RALYL: variants seen among roughly 807,000 people sequenced by gnomAD.
The protein encoded by RALYL is RNA-binding Raly-like protein.
RALYL carries 29 observed loss-of-function variants against 35.1 expected under a neutral mutation model. That is an observed-to-expected ratio of 0.83 (90% CI 0.61 to 1.13). RALYL has a LOEUF of 1.13. RALYL is among the 50% of genes most tolerant of loss of function. RALYL has a pLI of 0.00. For missense variants in RALYL, 359 were observed against 360.4 expected (o/e 1.00, Z 0.03); for synonymous variants, 120 against 127.6 (o/e 0.94, Z 0.40).
chr8:84,437,981 G>A (rs2047924203), intron 1 of RALYL, among the ~76,000 whole-genome samples: 1 of 152,060 alleles, frequency 6.6e-6, no homozygotes, highest in African/African-American at 2.4e-5. Context: ...TTTCTTTATA[G>A]CAATGCAAGA....
intron 1 of RALYL, among the ~76,000 whole-genome samples, chr8:84,514,513 A>AC (rs2057903594): frequency 6.6e-6 from 1 of 152,164 alleles, no homozygotes; most frequent in African/African-American, 2.4e-5. Context: ...CCAAGATGGC[A>AC]CCTTGAAAGT....
At chr8:84,839,503 A>T (rs1176087909) in intron 4 of RALYL, among the ~76,000 whole-genome samples, 4 of 152,210 alleles carry the variant, frequency 2.6e-5, no homozygotes, top group Non-Finnish European at 5.9e-5. Context: ...ACCACAGCTC[A>T]AGGAGGCCTG....
At chr8:84,562,014 C>CT (rs1279810123) in intron 2 of RALYL, among the ~76,000 whole-genome samples, 1 of 151,876 alleles carries the variant, frequency 6.6e-6, no homozygotes, top group Non-Finnish European at 1.5e-5. Context: ...GTATATAAGA[C>CT]TTTTTTCCTA....
intron 3 of RALYL, among the ~76,000 whole-genome samples, chr8:84,783,603 G>A (rs920370148): frequency 1.3e-5 from 2 of 152,118 alleles, no homozygotes; most frequent in Non-Finnish European, 2.9e-5. Flanking sequence ...CTCATGAAAG[G>A]AGGTAGTTCT....
At chr8:84,544,279 G>C (rs1477880544) in intron 2 of RALYL, among the ~76,000 whole-genome samples, 1 of 151,738 alleles carries the variant, frequency 6.6e-6, no homozygotes, top group Non-Finnish European at 1.5e-5. Context: ...TATATTCAAA[G>C]AAATTTAGCT....
At chr8:84,523,621 C>A (rs1031523077) in intron 1 of RALYL, among the ~76,000 whole-genome samples, 1 of 150,846 alleles carries the variant, frequency 6.6e-6, no homozygotes, top group Non-Finnish European at 1.5e-5. Flanking sequence ...CCCACTAACT[C>A]ATCATCTAGC....
At chr8:84,625,584 C>A (rs945791018) in intron 2 of RALYL, among the ~76,000 whole-genome samples, 1 of 152,082 alleles carries the variant, frequency 6.6e-6, no homozygotes, top group Non-Finnish European at 1.5e-5. Flanking sequence ...ATTATTTTAA[C>A]CTTCATAGAG....
intron 2 of RALYL, among the ~76,000 whole-genome samples, chr8:84,611,158 G>A (rs996734468): frequency 6.6e-6 from 1 of 152,064 alleles, no homozygotes; most frequent in Non-Finnish European, 1.5e-5. Flanking sequence ...AAAACTAAAA[G>A]TGGTATAATA....
intron 1 of RALYL, among the ~76,000 whole-genome samples, chr8:84,242,964 T>C (rs1013468413): frequency 6.6e-6 from 1 of 152,212 alleles, no homozygotes. Flanking sequence ...AGGGTTTTCA[T>C]AGTCTTGGGT....
intron 1 of RALYL, among the ~76,000 whole-genome samples, chr8:84,377,230 C>G (rs1320525303): frequency 6.6e-6 from 1 of 151,434 alleles, no homozygotes; most frequent in African/African-American, 2.4e-5. Context: ...ATAAAGTACC[C>G]CAAGTGAGTC....
intron 3 of RALYL, among the ~76,000 whole-genome samples, chr8:84,779,336 C>G (rs1386920549): frequency 1.3e-5 from 2 of 152,106 alleles, no homozygotes; most frequent in Non-Finnish European, 2.9e-5. Context: ...TGATGGAAAG[C>G]TAACAAAAAA....
At position 84,296,809 on chromosome 8, in the gene RALYL, A is replaced by G. The variant is rs1032440145; in HGVS notation, c.-24+112385A>G. Among the ~76,000 whole-genome samples, 6 of 151,878 alleles carry G rather than the reference A, an allele frequency of 4.0e-5. No homozygotes were observed. In the East Asian group the frequency reaches 1.2e-3, roughly 29 times the overall value. On this transcript the variant is annotated intron_variant, in intron 1 of 8. Coordinates refer to ENST00000521268, the MANE Select transcript of RALYL (RefSeq NM_173848.7). The stretch of plus-strand genomic sequence containing the variant: ...AAGCATCTGGTGGGGACATGCATAC[A>G]CTACTTCACAAGTAAATGAATATGT...
At chr8:84,229,489 G>T (rs1000122953) in intron 1 of RALYL, among the ~76,000 whole-genome samples, 2 of 152,126 alleles carry the variant, frequency 1.3e-5, no homozygotes, top group Non-Finnish European at 2.9e-5. Flanking sequence ...AGACAACTTG[G>T]AACTATTTAT....
intron 2 of RALYL, among the ~76,000 whole-genome samples, chr8:84,709,645 A>G (rs1440127828): frequency 1.3e-5 from 2 of 151,916 alleles, no homozygotes; most frequent in Admixed American, 1.3e-4. Context: ...CCGAAGGTTG[A>G]GAATCACTGA....
chr8:84,846,300 T>A (rs577114469), intron 4 of RALYL, among the ~76,000 whole-genome samples: 1 of 152,112 alleles, frequency 6.6e-6, no homozygotes, highest in African/African-American at 2.4e-5. Context: ...ATATTTTATG[T>A]TGTGATTTCT....
intron 1 of RALYL, among the ~76,000 whole-genome samples, chr8:84,253,507 C>G (rs1240800375): frequency 6.6e-6 from 1 of 151,492 alleles, no homozygotes; most frequent in Non-Finnish European, 1.5e-5. Flanking sequence ...GCCCTGTAGT[C>G]TCATTTTACT....
chr8:84,522,059 A>G (rs1342787837), intron 1 of RALYL, among the ~76,000 whole-genome samples: 2 of 152,188 alleles, frequency 1.3e-5, no homozygotes, highest in East Asian at 3.9e-4. Flanking sequence ...TGAAGGAAAT[A>G]CTATCATTTG....
At chr8:84,241,452 G>T (rs16912588) in intron 1 of RALYL, among the ~76,000 whole-genome samples, 4,403 of 152,204 alleles carry the variant, frequency 0.029, 90 homozygotes, top group East Asian at 0.12. Context: ...AGGCTTTCCA[G>T]CTGCTGAGTG....
intron 1 of RALYL, among the ~76,000 whole-genome samples, chr8:84,262,118 G>T (rs1832424336): frequency 6.6e-6 from 1 of 152,130 alleles, no homozygotes; most frequent in East Asian, 1.9e-4. Context: ...AGTGAATGTG[G>T]AGTCATGGTT....
Sources: gnomAD v4.1 joint callset for allele counts (sites outside exome capture counted in the v4.1 genomes callset) on GRCh38, gnomAD v4.1.1 for gene constraint, MANE v1.5 for transcripts, NCBI Gene and HGNC (gene_info 2026-07-23, HGNC 2026-07-21) for gene names.